The following OR8U1 variants were observed in gnomAD, a reference collection of about 807,000 sequenced individuals.
OR8U1 encodes the protein olfactory receptor 8U1.
For missense variants in OR8U1, 371 were observed against 362.5 expected, an observed-to-expected ratio of 1.02 and a Z score of -0.19; for synonymous variants, 123 against 128.9, an observed-to-expected ratio of 0.95 and a Z score of 0.31.
chr11:56,375,870 G>A lies in OR8U1; in HGVS notation c.247G>A (p.Gly83Arg), dbSNP rs758444801. 19 of 1,614,066 alleles carry A rather than the reference G, an allele frequency of 1.2e-5. No homozygotes were observed. Among genetic ancestry groups the A allele is most frequent in the Non-Finnish European group, 1.5e-5 (18 of 1,180,018 alleles). ...TTCTGTCATTACACCCAAAATGCTT[G>A]GGAATTTCTTGTACAAACAAAATGT... ...YSSVITPKMLGNFLYKQNVIS... is the reference protein window; with the variant it reads ...YSSVITPKMLRNFLYKQNVIS... The change falls in exon 1 of 1, where the codon GGG becomes AGG. Residue 83 changes from glycine to arginine, a missense_variant. Coordinates refer to ENST00000302270, the MANE Select transcript of OR8U1 (RefSeq NM_001005204.1).
At position 56,375,964 on chromosome 11, in the gene OR8U1, T is replaced by C; in HGVS notation, c.341T>C (p.Leu114Pro). 2 of 1,614,148 alleles carry C rather than the reference T, an allele frequency of 1.2e-6. No individual in the cohort carries two copies. The highest frequency in any genetic ancestry group is 1.7e-6 in the Non-Finnish European group (2 of 1,179,996). ...ACCTTCATGATATCAGAATCCTTGC[T>C]ACTGGCTTCCATGGCCTATGACCGA... ...FLTFMISESLLLASMAYDRYV... is the reference protein window; with the variant it reads ...FLTFMISESLPLASMAYDRYV... The change falls in exon 1 of 1, where the codon CTA becomes CCA. Residue 114 changes from leucine (L) to proline (P), a missense_variant. Transcript: ENST00000302270.
rs772243507 is a variant in OR8U1, at chr11:56,376,018, A to C, written c.395A>C (p.Tyr132Ser). Reference protein sequence around the residue: ...RYVAICNPLLYMVVMTPGICI... With the variant: ...RYVAICNPLLSMVVMTPGICI... ...GTGGCCATTTGTAACCCTCTATTGT[A>C]TATGGTTGTAATGACTCCAGGAATC... Residue 132 changes from tyrosine to serine, a missense_variant, in exon 1 of 1, where the codon TAT (tyrosine) becomes TCT (serine). Coordinates refer to ENST00000302270, the MANE Select transcript of OR8U1 (RefSeq NM_001005204.1). 6.2e-7 allele frequency: 1 copy of C among 1,614,154 alleles called. No individual in the cohort carries two copies. Among genetic ancestry groups the C allele is most frequent in the Non-Finnish European group, 8.5e-7 (1 of 1,179,978 alleles).
In OR8U1 at chr11:56,375,637, A is replaced by G. The variant is rs116344671; in HGVS notation, c.14A>G (p.Asn5Ser). The G allele has an allele frequency of 7.7e-3, 12,331 of 1,606,388 alleles. 484 individuals are homozygous for G. In the African/African-American group the frequency reaches 0.14, roughly 18 times the overall value. ...GCCAGAAAAGATATGGCTCACATCA[A>G]TTGCACCCAGGCGACAGAGTTTATT... is the stretch of plus-strand genomic sequence containing the variant. Reference protein sequence around the residue: MAHINCTQATEFILV... With the variant: MAHISCTQATEFILV... Residue 5 changes from asparagine to serine, a missense_variant, in exon 1 of 1, where the codon AAT becomes AGT. Coordinates refer to ENST00000302270, the MANE Select transcript of OR8U1 (RefSeq NM_001005204.1).
At position 56,376,251 on chromosome 11, in the gene OR8U1, T is replaced by G. The variant is rs553109678; in HGVS notation, c.628T>G (p.Ser210Ala). 30 of 1,614,292 alleles carry G rather than the reference T, an allele frequency of 1.9e-5. No individual in the cohort carries two copies. The African/African-American group carries it at 2.8e-4, about 15-fold the overall frequency. The change falls in exon 1 of 1, where the codon TCC becomes GCC. Residue 210 changes from serine (S) to alanine (A), a missense_variant. Physicochemically the swap from Ser to Ala is moderately conservative, Grantham distance 99. Coordinates refer to ENST00000302270, the MANE Select transcript of OR8U1 (RefSeq NM_001005204.1). ...CTGTGCTGGTATCATGTTCATTTCC[T>G]CCCTTCTGATTGTCTTTGTCTCCTA... ...FACAGIMFISSLLIVFVSYMF... is the reference protein window; with the variant it reads ...FACAGIMFISALLIVFVSYMF...
rs370093308 is a variant in OR8U1 at position 56,375,692 on chromosome 11, G to A, written c.69G>A (p.Leu23=). ...TGGGCCTCACAGACCATCAGGAGTTGAAGATGCCCCTCTTTGTGCTATTCT... is the reference window on the plus strand; with the variant it reads ...TGGGCCTCACAGACCATCAGGAGTTAAAGATGCCCCTCTTTGTGCTATTCT... ...ILVGLTDHQE[L]KMPLFVLFLS... Residue 23 remains leucine, a synonymous_variant, in exon 1 of 1, where the codon TTG becomes TTA. Transcript: ENST00000302270. 459 of 1,613,858 alleles carry A rather than the reference G, an allele frequency of 2.8e-4. 4 individuals are homozygous for A. The South Asian group carries it at 4.7e-3, about 17-fold the overall frequency.
chr11:56,375,919 C>G lies in OR8U1; in HGVS notation c.296C>G (p.Thr99Ser), dbSNP rs376841659. 4.2e-5 allele frequency: 67 copies of G among 1,614,082 alleles called. No homozygotes were observed. Among genetic ancestry groups the G allele is most frequent in the Admixed American group, 6.7e-5 (4 of 59,992 alleles). The change falls in exon 1 of 1, where the codon ACT becomes AGT. Residue 99 changes from threonine (T) to serine (S), a missense_variant. By Grantham distance (58) the Thr-to-Ser change is moderately conservative (BLOSUM62 1). Coordinates refer to ENST00000302270, the MANE Select transcript of OR8U1 (RefSeq NM_001005204.1). ...QNVISFDACATQLGCFLTFMI... is the reference protein window; with the variant it reads ...QNVISFDACASQLGCFLTFMI... ...GTTATATCCTTTGATGCATGTGCTA[C>G]TCAACTGGGCTGCTTTCTCACCTTC...
rs1226182944 is a variant in OR8U1 at position 56,375,664 on chromosome 11, T to C, written c.41T>C (p.Leu14Pro). 1.2e-6 allele frequency: 2 copies of C among 1,612,890 alleles called. No homozygotes were observed. Among genetic ancestry groups the C allele is most frequent in the South Asian group, 2.2e-5 (2 of 90,874 alleles). Residue 14 changes from leucine (L) to proline (P), a missense_variant, in exon 1 of 1, where the codon CTT (leucine) becomes CCT (proline). Physicochemically the swap from Leu to Pro is moderately conservative, Grantham distance 98 (BLOSUM62 -3). Transcript: ENST00000302270. ...INCTQATEFI[L>P]VGLTDHQELK... The stretch of plus-strand genomic sequence containing the variant: ...TGCACCCAGGCGACAGAGTTTATTC[T>C]TGTGGGCCTCACAGACCATCAGGAG...
Position 56,376,053 on chromosome 11 carries a change from C to G in OR8U1, c.430C>G (p.Leu144Val). The G allele has an allele frequency of 6.2e-7, 1 of 1,614,186 alleles. No homozygotes were observed. Among genetic ancestry groups the G allele is most frequent in the Non-Finnish European group, 8.5e-7 (1 of 1,179,990 alleles). The change falls in exon 1 of 1, where the codon CTT (leucine) becomes GTT (valine). Residue 144 changes from leucine to valine, a missense_variant. Coordinates refer to ENST00000302270, the MANE Select transcript of OR8U1 (RefSeq NM_001005204.1). ...AATGACTCCAGGAATCTGCATTCAA[C>G]TTGTAGCAGTTCCTTATAGCTATAG... The part of the protein sequence containing the change: ...VVMTPGICIQ[L>V]VAVPYSYSFL...
Position 56,375,777 on chromosome 11 carries a change from G to T in OR8U1, c.154G>T (p.Asp52Tyr). 1 of 1,614,204 alleles carries T rather than the reference G, an allele frequency of 6.2e-7. No homozygotes were observed. The highest frequency in any genetic ancestry group is 8.5e-7 in the Non-Finnish European group (1 of 1,180,010). Residue 52 changes from aspartate to tyrosine, a missense_variant, in exon 1 of 1, where the codon GAT (aspartate) becomes TAT (tyrosine). By Grantham distance (160) the Asp-to-Tyr change is radical (BLOSUM62 -3). Coordinates refer to ENST00000302270, the MANE Select transcript of OR8U1 (RefSeq NM_001005204.1). The part of the protein sequence containing the change: ...NLGLILLIRA[D>Y]TSLNTPMYFF... ...GGGTTTGATCCTACTCATTAGAGCG[G>T]ATACAAGTCTCAACACACCAATGTA...
Position 56,376,198 on chromosome 11 carries a change from C to A in OR8U1, c.575C>A (p.Thr192Asn). 1.2e-6 allele frequency: 2 copies of A among 1,614,300 alleles called. No individual in the cohort carries two copies. The highest frequency in any genetic ancestry group is 1.7e-6 in the Non-Finnish European group (2 of 1,180,050). The part of the protein sequence containing the change: ...MPLLRLTCSD[T>N]RFKQLWIFAC... Reference sequence around the variant, plus strand: ...CTCCTCAGGCTAACTTGCTCAGACACTCGCTTCAAACAGCTCTGGATCTTT... The same window carrying A: ...CTCCTCAGGCTAACTTGCTCAGACAATCGCTTCAAACAGCTCTGGATCTTT... Residue 192 changes from threonine (T) to asparagine (N), a missense_variant, in exon 1 of 1, where the codon ACT becomes AAT. By Grantham distance (65) the Thr-to-Asn change is moderately conservative. Transcript: ENST00000302270.
At position 56,375,700 on chromosome 11, in the gene OR8U1, C is replaced by T. The variant is rs772339074; in HGVS notation, c.77C>T (p.Pro26Leu). ...GLTDHQELKMPLFVLFLSIYL... is the reference protein window; with the variant it reads ...GLTDHQELKMLLFVLFLSIYL... The stretch of plus-strand genomic sequence containing the variant: ...ACAGACCATCAGGAGTTGAAGATGC[C>T]CCTCTTTGTGCTATTCTTATCCATC... The change falls in exon 1 of 1, where the codon CCC becomes CTC. Residue 26 changes from proline to leucine, a missense_variant. Transcript: ENST00000302270. 7.7e-5 allele frequency: 124 copies of T among 1,613,786 alleles called. No homozygotes were observed. Among genetic ancestry groups the T allele is most frequent in the Admixed American group, 1.3e-4 (8 of 59,988 alleles).
rs1351627214 is a variant in OR8U1 at position 56,376,332 on chromosome 11, G to A, written c.709G>A (p.Ala237Thr). The A allele has an allele frequency of 1.9e-6, 3 of 1,614,150 alleles. No individual in the cohort carries two copies. The highest frequency in any genetic ancestry group is 2.5e-6 in the Non-Finnish European group (3 of 1,180,046). Reference protein sequence around the residue: ...RMHSAEGRQKAFSTCGSHMLA... With the variant: ...RMHSAEGRQKTFSTCGSHMLA... ...GCATTCAGCTGAGGGAAGACAGAAG[G>A]CTTTCTCGACGTGTGGCTCTCACAT... The change falls in exon 1 of 1, where the codon GCT becomes ACT. Residue 237 changes from alanine to threonine, a missense_variant. By Grantham distance (58) the Ala-to-Thr change is moderately conservative. Coordinates refer to ENST00000302270, the MANE Select transcript of OR8U1 (RefSeq NM_001005204.1).
chr11:56,375,707 T>A lies in OR8U1; in HGVS notation c.84T>A (p.Phe28Leu). 6.2e-7 allele frequency: 1 copy of A among 1,613,982 alleles called. No homozygotes were observed. The highest frequency in any genetic ancestry group is 8.5e-7 in the Non-Finnish European group (1 of 1,179,856). The stretch of plus-strand genomic sequence containing the variant: ...ATCAGGAGTTGAAGATGCCCCTCTT[T>A]GTGCTATTCTTATCCATCTACCTCT... ...TDHQELKMPL[F>L]VLFLSIYLFT... The change falls in exon 1 of 1, where the codon TTT becomes TTA. Residue 28 changes from phenylalanine to leucine, a missense_variant. Physicochemically the swap from Phe to Leu is conservative, Grantham distance 22 (BLOSUM62 0). Coordinates refer to ENST00000302270, the MANE Select transcript of OR8U1 (RefSeq NM_001005204.1).
chr11:56,375,690 T>C lies in OR8U1; in HGVS notation c.67T>C (p.Leu23=). ...ILVGLTDHQE[L]KMPLFVLFLS... ...TGTGGGCCTCACAGACCATCAGGAG[T>C]TGAAGATGCCCCTCTTTGTGCTATT... The change falls in exon 1 of 1, where the codon TTG becomes CTG. Residue 23 remains leucine (L), a synonymous_variant. Transcript: ENST00000302270. 6.2e-7 allele frequency: 1 copy of C among 1,613,772 alleles called. No homozygotes were observed. The highest frequency in any genetic ancestry group is 1.7e-4 in the Middle Eastern group (1 of 6,054).
rs770668728 is a variant in OR8U1 at position 56,376,165 on chromosome 11, A to G, written c.542A>G (p.Asp181Gly). 2 of 1,614,150 alleles carry G rather than the reference A, an allele frequency of 1.2e-6. No homozygotes were observed. Among genetic ancestry groups the G allele is most frequent in the South Asian group, 1.1e-5 (1 of 91,096 alleles). The change falls in exon 1 of 1, where the codon GAC becomes GGC. Residue 181 changes from aspartate to glycine, a missense_variant. Physicochemically the swap from Asp to Gly is moderately conservative, Grantham distance 94 (BLOSUM62 -1). Transcript: ENST00000302270. ...ATTGTCAACCATTTCTATTGTGATG[A>G]CATGCCTCTCCTCAGGCTAACTTGC... Reference protein sequence around the residue: ...SNIVNHFYCDDMPLLRLTCSD... With the variant: ...SNIVNHFYCDGMPLLRLTCSD...
rs62623589 is a variant in OR8U1, at chr11:56,375,916, C to A, written c.293C>A (p.Ala98Asp). 1.8e-4 allele frequency: 291 copies of A among 1,614,210 alleles called. 1 individual carries two copies. The Middle Eastern group carries it at 5.6e-3, about 31-fold the overall frequency. ...AATGTTATATCCTTTGATGCATGTG[C>A]TACTCAACTGGGCTGCTTTCTCACC... is the stretch of plus-strand genomic sequence containing the variant. ...KQNVISFDAC[A>D]TQLGCFLTFM... The change falls in exon 1 of 1, where the codon GCT becomes GAT. Residue 98 changes from alanine to aspartate, a missense_variant. Coordinates refer to ENST00000302270, the MANE Select transcript of OR8U1 (RefSeq NM_001005204.1).
Position 56,375,989 on chromosome 11 carries a change from A to C in OR8U1, c.366A>C (p.Arg122=), listed in dbSNP as rs200311238. 460 of 1,614,108 alleles carry C rather than the reference A, an allele frequency of 2.8e-4. No homozygotes were observed. The Middle Eastern group carries it at 7.1e-3, about 25-fold the overall frequency. ...TACTGGCTTCCATGGCCTATGACCG[A>C]TATGTGGCCATTTGTAACCCTCTAT... The part of the protein sequence containing the change: ...SLLLASMAYD[R]YVAICNPLLY... The change falls in exon 1 of 1, where the codon CGA becomes CGC. Residue 122 remains arginine, a synonymous_variant. Transcript: ENST00000302270.
Position 56,375,931 on chromosome 11 carries a change from G to T in OR8U1, c.308G>T (p.Cys103Phe), listed in dbSNP as rs1165217979. The T allele has an allele frequency of 6.2e-7, 1 of 1,613,926 alleles. No homozygotes were observed. The highest frequency in any genetic ancestry group is 1.3e-5 in the African/African-American group (1 of 75,072). ...GATGCATGTGCTACTCAACTGGGCT[G>T]CTTTCTCACCTTCATGATATCAGAA... ...SFDACATQLG[C>F]FLTFMISESL... The change falls in exon 1 of 1, where the codon TGC becomes TTC. Residue 103 changes from cysteine to phenylalanine, a missense_variant. By Grantham distance (205) the Cys-to-Phe change is radical. Transcript: ENST00000302270.
chr11:56,376,197 A>T lies in OR8U1; in HGVS notation c.574A>T (p.Thr192Ser), dbSNP rs1852794726. 1.2e-6 allele frequency: 2 copies of T among 1,614,280 alleles called. No homozygotes were observed. Among genetic ancestry groups the T allele is most frequent in the East Asian group, 4.5e-5 (2 of 44,894 alleles). ...TCTCCTCAGGCTAACTTGCTCAGAC[A>T]CTCGCTTCAAACAGCTCTGGATCTT... ...MPLLRLTCSD[T>S]RFKQLWIFAC... Residue 192 changes from threonine (T) to serine (S), a missense_variant, in exon 1 of 1, where the codon ACT (threonine) becomes TCT (serine). Physicochemically the swap from Thr to Ser is moderately conservative, Grantham distance 58. Coordinates refer to ENST00000302270, the MANE Select transcript of OR8U1 (RefSeq NM_001005204.1).
Sources: allele counts gnomAD v4.1 joint callset, GRCh38; gene constraint gnomAD v4.1.1; transcripts MANE v1.5; gene names NCBI Gene and HGNC (gene_info 2026-07-23, HGNC 2026-07-21).